The following PUS7 variants were observed in gnomAD, a reference collection of about 807,000 sequenced individuals.
PUS7 encodes pseudouridine synthase 7.
A neutral mutation model predicts 79.8 loss-of-function variants in PUS7; 48 were observed. That is an observed-to-expected ratio of 0.60 (90% CI 0.48 to 0.76). The LOEUF (loss-of-function observed/expected upper bound fraction) is 0.76. PUS7 is among the 30% of genes least tolerant of loss of function. The pLI, the probability that PUS7 is intolerant of heterozygous loss-of-function variation, is 0.00. For missense variants in PUS7, 729 were observed against 797.6 expected, an observed-to-expected ratio of 0.91 and a Z score of 1.04; for synonymous variants, 286 against 272.2, an observed-to-expected ratio of 1.05 and a Z score of -0.50.
At chr7:105,496,214 TATATATATATATAGAGAG>T (rs1389079785) in intron 5 of PUS7, among the ~76,000 whole-genome samples, 1 of 71,774 alleles carries the variant, frequency 1.4e-5, no homozygotes, top group Non-Finnish European at 2.6e-5. Flanking sequence ...TATATATATA[TATATATATATATAGAGAG>T]AGAGAGAGAG....
At chr7:105,480,065 G>C (rs910919105) in intron 9 of PUS7, among the ~76,000 whole-genome samples, 4 of 152,192 alleles carry the variant, frequency 2.6e-5, no homozygotes, top group Non-Finnish European at 4.4e-5. Flanking sequence ...TAATAAACGT[G>C]TTAACACAGA....
chr7:105,522,035 G>C lies in PUS7; in HGVS notation c.-33+17C>G, dbSNP rs562986430. 6.6e-6 allele frequency: 1 copy of C among 152,548 alleles called. No individual in the cohort carries two copies. Among genetic ancestry groups the C allele is most frequent in the South Asian group, 2.1e-4 (1 of 4,828 alleles). The allele number at this position is 152,548 out of a possible 1,614,324, so 9.4% of individuals were successfully genotyped here. ...GGCCGAGGAGCCCCGGCGGCCGCGG[G>C]GAGGCCGCGCACTTACCCGGAGCCT... On this transcript the variant is annotated intron_variant, in intron 1 of 15. Coordinates refer to ENST00000469408, the MANE Select transcript of PUS7 (RefSeq NM_019042.5).
intron 2 of PUS7, among the ~76,000 whole-genome samples, 172 bp downstream of exon 2, chr7:105,507,943 T>A (rs913367356): frequency 4.6e-5 from 7 of 152,114 alleles, no homozygotes; most frequent in Admixed American, 2.6e-4. Context: ...AATTAAAATT[T>A]AAAAATCCAA....
chr7:105,472,106 TTTC>T (rs1301641188), intron 10 of PUS7, 23 bp downstream of exon 10: 1 of 1,508,008 alleles, frequency 6.6e-7, no homozygotes, highest in Non-Finnish European at 9.2e-7. Context: ...TTCTATTTAT[TTTC>T]TTAACATGAA....
chr7:105,464,813 CTTTTTT>C (rs71152985), intron 13 of PUS7, among the ~76,000 whole-genome samples: 2 of 95,230 alleles, frequency 2.1e-5, no homozygotes, highest in Non-Finnish European at 4.4e-5. Flanking sequence ...CCCCTCTTCC[CTTTTTT>C]TTTTTTTTTT....
At chr7:105,519,240 T>A (rs933639028) in intron 1 of PUS7, among the ~76,000 whole-genome samples, 1 of 151,736 alleles carries the variant, frequency 6.6e-6, no homozygotes, top group Non-Finnish European at 1.5e-5. Flanking sequence ...CACACTAATT[T>A]TTTTTTTTTT....
intron 12 of PUS7, among the ~76,000 whole-genome samples, chr7:105,466,021 G>A (rs1043250722): frequency 2.0e-5 from 3 of 151,850 alleles, no homozygotes; most frequent in African/African-American, 7.3e-5. Context: ...AGCTGGGTGT[G>A]GTGGCAAACA....
chr7:105,496,259 A>AGG (rs1825030779), intron 5 of PUS7, among the ~76,000 whole-genome samples: 4 of 53,866 alleles, frequency 7.4e-5, no homozygotes, highest in Non-Finnish European at 1.4e-4. Context: ...AGAGAGGGAG[A>AGG]GACACATACA....
intron 9 of PUS7, among the ~76,000 whole-genome samples, chr7:105,479,945 C>T (rs1022059049): frequency 5.3e-5 from 8 of 152,010 alleles, no homozygotes; most frequent in African/African-American, 1.4e-4. Context: ...TTGCAGTGAG[C>T]GGAGATGGCA....
Position 105,462,720 on chromosome 7 carries a change from G to C in PUS7, c.1658C>G (p.Ala553Gly), listed in dbSNP as rs758457924. The C allele has an allele frequency of 6.2e-7, 1 of 1,613,506 alleles. No homozygotes were observed. The highest frequency in any genetic ancestry group is 1.7e-5 in the Admixed American group (1 of 59,984). Residue 553 changes from alanine (A) to glycine (G), a missense_variant, in exon 14 of 16, where the codon GCT becomes GGT. Ala to Gly is a moderately conservative substitution (Grantham distance 60). Coordinates refer to ENST00000469408, the MANE Select transcript of PUS7 (RefSeq NM_019042.5). The stretch of plus-strand genomic sequence containing the variant: ...CATGTTGTCAATATCAAGATTGTCA[G>C]CTGTGAGCATTTCCCTGTAGGCTTC... Reference protein sequence around the residue: ...IQEAYREMLTADNLDIDNMRH... With the variant: ...IQEAYREMLTGDNLDIDNMRH...
chr7:105,503,222 A>C (rs1200863924), intron 4 of PUS7, among the ~76,000 whole-genome samples: 2 of 152,162 alleles, frequency 1.3e-5, no homozygotes, highest in Non-Finnish European at 2.9e-5. Flanking sequence ...AGGCTGTCAA[A>C]CCCATGGGCC....
intron 4 of PUS7, among the ~76,000 whole-genome samples, chr7:105,503,032 A>T (rs1218908036): frequency 6.6e-6 from 1 of 152,134 alleles, no homozygotes; most frequent in Non-Finnish European, 1.5e-5. Context: ...CAATATTGCA[A>T]ATCCCGGGAG....
chr7:105,466,325 A>G (rs1449648403), intron 12 of PUS7, among the ~76,000 whole-genome samples: 2 of 151,978 alleles, frequency 1.3e-5, no homozygotes, highest in Non-Finnish European at 2.9e-5. Context: ...TGGTGTGATT[A>G]AGGTTCACTG....
At chr7:105,467,821 G>C (rs903762979) in intron 12 of PUS7, among the ~76,000 whole-genome samples, 1 of 151,882 alleles carries the variant, frequency 6.6e-6, no homozygotes, top group Admixed American at 6.6e-5. Context: ...CCGAGGTGGG[G>C]AGTTCGAGAT....
At chr7:105,498,794 A>G (rs1452174511) in intron 5 of PUS7, among the ~76,000 whole-genome samples, 2 of 152,022 alleles carry the variant, frequency 1.3e-5, no homozygotes, top group African/African-American at 4.8e-5. Context: ...TTGAAAATAT[A>G]TATTTTTCTT....
At chr7:105,513,612 C>A (rs972530579) in intron 1 of PUS7, among the ~76,000 whole-genome samples, 3 of 113,390 alleles carry the variant, frequency 2.6e-5, no homozygotes, top group Non-Finnish European at 6.6e-5. Context: ...CAAGGCAGGC[C>A]GGATCACGAA....
At chr7:105,511,519 T>C (rs1167712323) in intron 1 of PUS7, among the ~76,000 whole-genome samples, 2 of 150,832 alleles carry the variant, frequency 1.3e-5, no homozygotes, top group African/African-American at 4.9e-5. Flanking sequence ...CTCAGCACTT[T>C]GGGAGGCTGA....
intron 6 of PUS7, among the ~76,000 whole-genome samples, chr7:105,493,781 G>A (rs956546434): frequency 1.3e-5 from 2 of 152,186 alleles, no homozygotes; most frequent in African/African-American, 2.4e-5. Flanking sequence ...TGCGAGCCAA[G>A]GAGAGAGGCT....
Position 105,508,142 on chromosome 7 carries a change from T to C in PUS7, c.371A>G (p.Gln124Arg). Reference sequence around the variant, plus strand: ...TTCTTTTAAGATTCCCGAGAACCCTTGATGAGAACTCACAAACTTGGTGAT... The same window carrying C: ...TTCTTTTAAGATTCCCGAGAACCCTCGATGAGAACTCACAAACTTGGTGAT... ...VGITKFVSSHQGFSGILKERY... is the reference protein window; with the variant it reads ...VGITKFVSSHRGFSGILKERY... The change falls in exon 2 of 16, where the codon CAA becomes CGA. Residue 124 changes from glutamine (Q) to arginine (R), a missense_variant. Gln to Arg is a conservative substitution (Grantham distance 43, BLOSUM62 1). Coordinates refer to ENST00000469408, the MANE Select transcript of PUS7 (RefSeq NM_019042.5). 3 of 1,614,040 alleles carry C rather than the reference T, an allele frequency of 1.9e-6. No homozygotes were observed. The highest frequency in any genetic ancestry group is 2.5e-6 in the Non-Finnish European group (3 of 1,179,966).
Sources: gnomAD v4.1 joint callset for allele counts (sites outside exome capture counted in the v4.1 genomes callset) on GRCh38, gnomAD v4.1.1 for gene constraint, MANE v1.5 for transcripts, NCBI Gene and HGNC (gene_info 2026-07-23, HGNC 2026-07-21) for gene names.